ARHGAP28: variants seen among roughly 807,000 people sequenced by gnomAD.
ARHGAP28 encodes the protein Rho GTPase activating protein 28.
Under a neutral mutation model 90.7 loss-of-function variants are expected in ARHGAP28, and 56 were observed. That is an observed-to-expected ratio of 0.62 (90% CI 0.50 to 0.77). The LOEUF (loss-of-function observed/expected upper bound fraction) is 0.77, where lower values mean the gene tolerates loss of function less well. Ranked by LOEUF, ARHGAP28 falls within the 30% of genes least tolerant of loss-of-function variation. ARHGAP28 has a pLI of 0.00. For missense variants in ARHGAP28, 869 were observed against 900.9 expected (o/e 0.96, Z 0.45); for synonymous variants, 308 against 323.3 (o/e 0.95, Z 0.51).
intron 1 of ARHGAP28, among the ~76,000 whole-genome samples, chr18:6,804,270 T>C (rs1172152595): frequency 6.6e-6 from 1 of 152,210 alleles, no homozygotes; most frequent in Non-Finnish European, 1.5e-5. Context: ...TTAATATCAG[T>C]AAAATTTGTA....
At chr18:6,771,281 T>C (rs2056240914) in intron 1 of ARHGAP28, among the ~76,000 whole-genome samples, 1 of 152,096 alleles carries the variant, frequency 6.6e-6, no homozygotes, top group Admixed American at 6.6e-5. Flanking sequence ...TGAGTTCAAT[T>C]AAATCCCCCT....
intron 11 of ARHGAP28, among the ~76,000 whole-genome samples, chr18:6,886,851 A>G (rs933444808): frequency 6.6e-6 from 1 of 152,130 alleles, no homozygotes; most frequent in African/African-American, 2.4e-5. Context: ...ACTTCTATTT[A>G]TAGTATTAAA....
intron 2 of ARHGAP28, among the ~76,000 whole-genome samples, chr18:6,833,404 A>T (rs1600226538): frequency 6.6e-6 from 1 of 152,134 alleles, no homozygotes; most frequent in East Asian, 1.9e-4. Context: ...CACTTGTTAT[A>T]TTTAATTGAA....
intron 3 of ARHGAP28, among the ~76,000 whole-genome samples, chr18:6,841,210 T>TCTCTCTCTCTCTCTCTCCTCTC (rs1567966910): frequency 3.2e-5 from 3 of 94,304 alleles, no homozygotes; most frequent in African/African-American, 1.5e-4. Flanking sequence ...TCTCCTCTCC[T>TCTCTCTCTCTCTCTCTCCTCTC]CTCTCTCTCT....
intron 3 of ARHGAP28, among the ~76,000 whole-genome samples, chr18:6,841,212 T>TCTCTC (rs2056823160): frequency 4.8e-5 from 5 of 104,708 alleles, no homozygotes; most frequent in South Asian, 3.3e-4. Context: ...TCCTCTCCTC[T>TCTCTC]CTCTCTCTCT....
Position 6,729,922 on chromosome 18 carries a change from C to T in ARHGAP28, c.101C>T (p.Ala34Val). The change falls in exon 1 of 18, where the codon GCA (alanine) becomes GTA (valine). Residue 34 changes from alanine (A) to valine (V), a missense_variant. Transcript: ENST00000383472. The stretch of plus-strand genomic sequence containing the variant: ...GAGTCGCGCTGCGCGCCCCGCGCCG[C>T]AGCCAGCCACCCGCTCAGCAGGTAC... Reference protein sequence around the residue: ...NAESRCAPRAAASHPLSRKSI... With the variant: ...NAESRCAPRAVASHPLSRKSI... The T allele has an allele frequency of 7.1e-7, 1 of 1,400,620 alleles. No individual in the cohort carries two copies. The highest frequency in any genetic ancestry group is 9.3e-7 in the Non-Finnish European group (1 of 1,079,748). The allele number at this position is 1,400,620 out of a possible 1,614,324, so 86.8% of individuals were successfully genotyped here.
chr18:6,908,085 GTGACTTGCTT>G (rs2143856391), intron 16 of ARHGAP28, among the ~76,000 whole-genome samples: 1 of 152,022 alleles, frequency 6.6e-6, no homozygotes, highest in East Asian at 1.9e-4. Context: ...ATAGTTTCCT[GTGACTTGCTT>G]TTATTTTATT....
intron 1 of ARHGAP28, among the ~76,000 whole-genome samples, chr18:6,818,171 G>A (rs901556781): frequency 1.3e-5 from 2 of 152,210 alleles, no homozygotes; most frequent in African/African-American, 4.8e-5. Flanking sequence ...TGGAGTCACA[G>A]AGGTCCAGTA....
intron 1 of ARHGAP28, among the ~76,000 whole-genome samples, chr18:6,819,020 G>A (rs1212770403): frequency 6.6e-6 from 1 of 152,154 alleles, no homozygotes; most frequent in African/African-American, 2.4e-5. Flanking sequence ...ACTTCGTGGG[G>A]TGCATATAAG....
chr18:6,737,838 T>C (rs1234741554), intron 1 of ARHGAP28, among the ~76,000 whole-genome samples: 2 of 152,220 alleles, frequency 1.3e-5, no homozygotes, highest in African/African-American at 4.8e-5. Flanking sequence ...ATGCGTCTTC[T>C]TAAATATCTG....
At chr18:6,787,519 T>G (rs1444380911) in intron 1 of ARHGAP28, among the ~76,000 whole-genome samples, 1 of 152,100 alleles carries the variant, frequency 6.6e-6, no homozygotes, top group African/African-American at 2.4e-5. Context: ...TGGAAGAAAC[T>G]TAAAAAAATT....
chr18:6,846,189 C>A (rs1448219052), intron 3 of ARHGAP28, among the ~76,000 whole-genome samples: 2 of 152,250 alleles, frequency 1.3e-5, no homozygotes, highest in East Asian at 3.9e-4. Context: ...AGTATGTTTC[C>A]TTCTCTTTAA....
intron 3 of ARHGAP28, chr18:6,850,808 T>C: frequency 6.6e-7 from 1 of 1,522,298 alleles, no homozygotes; most frequent in Non-Finnish European, 8.7e-7. Context: ...CTAGCAGAGT[T>C]TGCTTCTGAG....
rs2057379479 is a variant in ARHGAP28, at chr18:6,908,993, C to T, written c.2064C>T (p.Asn688=). Reference sequence around the variant, plus strand: ...CATCAGAATGTATTAAGATTCAGAACCAAAGGTTATATGAAATTGGAGGAA... The same window carrying T: ...CATCAGAATGTATTAAGATTCAGAATCAAAGGTTATATGAAATTGGAGGAA... ...HGSSECIKIQ[N]QRLYEIGGNI... is the part of the protein sequence containing the mutation. Residue 688 remains asparagine (N), a synonymous_variant, in exon 17 of 18, where the codon AAC becomes AAT. Transcript: ENST00000383472. The T allele has an allele frequency of 8.4e-6, 13 of 1,539,020 alleles. No homozygotes were observed. Among genetic ancestry groups the T allele is most frequent in the Middle Eastern group, 1.7e-4 (1 of 5,916 alleles).
intron 1 of ARHGAP28, among the ~76,000 whole-genome samples, chr18:6,740,842 G>C (rs1187758288): frequency 6.6e-6 from 1 of 152,170 alleles, no homozygotes; most frequent in East Asian, 1.9e-4. Flanking sequence ...AAAGTGTCTT[G>C]CCTAGAGCCT....
At position 6,803,942 on chromosome 18, in the gene ARHGAP28, C is replaced by T. The variant is rs556556195; in HGVS notation, c.123-20820C>T. 9.9e-5 allele frequency among the ~76,000 whole-genome samples: 15 copies of T among 152,160 alleles called. No homozygotes were observed. The South Asian group carries it at 3.1e-3, about 32-fold the overall frequency. ...TACAGGCGCCTCCCACCACGCCCAG[C>T]TAATTTTTTTGTATTTTTAGTAGAG... On this transcript the variant is annotated intron_variant, in intron 1 of 17. Coordinates refer to ENST00000383472, the MANE Select transcript of ARHGAP28 (RefSeq NM_001366230.1).
At chr18:6,903,533 A>G (rs2057348338) in intron 16 of ARHGAP28, among the ~76,000 whole-genome samples, 1 of 152,132 alleles carries the variant, frequency 6.6e-6, no homozygotes, top group Non-Finnish European at 1.5e-5. Flanking sequence ...ATAAAACAAG[A>G]TAGAATCCAG....
At chr18:6,888,436 T>G (rs2057238738) in intron 12 of ARHGAP28, among the ~76,000 whole-genome samples, 1 of 152,184 alleles carries the variant, frequency 6.6e-6, no homozygotes, top group Admixed American at 6.5e-5. Context: ...ATCAGACATT[T>G]CAGTGTGGTA....
intron 16 of ARHGAP28, among the ~76,000 whole-genome samples, chr18:6,904,562 T>C (rs2057355079): frequency 1.3e-5 from 2 of 152,034 alleles, no homozygotes; most frequent in African/African-American, 4.8e-5. Context: ...GAGCAAAATA[T>C]ACCCGAAGGA....
Sources: gnomAD v4.1 joint callset for allele counts (sites outside exome capture counted in the v4.1 genomes callset) on GRCh38, gnomAD v4.1.1 for gene constraint, MANE v1.5 for transcripts, NCBI Gene and HGNC (gene_info 2026-07-23, HGNC 2026-07-21) for gene names.